HSPBAP1: variants seen among roughly 807,000 people sequenced by gnomAD.
HSPBAP1 encodes HSPB1 associated protein 1.
HSPBAP1 carries 27 observed loss-of-function variants against 45.2 expected under a neutral mutation model. The observed-to-expected ratio is 0.60, with a 90% CI of 0.44 to 0.82. The LOEUF (loss-of-function observed/expected upper bound fraction) is 0.82. HSPBAP1 is among the 40% of genes least tolerant of loss of function. HSPBAP1 has a pLI of 0.00. For missense variants in HSPBAP1, 510 were observed against 590.9 expected (o/e 0.86, Z 1.42); for synonymous variants, 204 against 202.7 (o/e 1.01, Z -0.06).
chr3:122,783,833 CTTTT>C (rs79338116), intron 1 of HSPBAP1, among the ~76,000 whole-genome samples: 35 of 145,058 alleles, frequency 2.4e-4, no homozygotes, highest in Non-Finnish European at 3.0e-4. Flanking sequence ...GGGCAACTTT[CTTTT>C]TTTTTTTTTT....
rs890145507 is a variant in HSPBAP1 at position 122,793,782 on chromosome 3, A to G, written c.-102T>C. The G allele has an allele frequency of 3.5e-6, 4 of 1,131,794 alleles. No individual in the cohort carries two copies. The African/African-American group carries it at 6.2e-5, about 17-fold the overall frequency. 70.1% of individuals were successfully genotyped at this position (1,131,794 alleles called of 1,614,324 possible). A position where few individuals can be genotyped will look rare whatever the true frequency, so the allele number is the denominator to read the frequency against. On this transcript the variant is annotated 5_prime_UTR_variant, in exon 1 of 8. Transcript: ENST00000306103. ...CGAGACCCGAAGCTGCACCACAGGA[A>G]GGAGCCCCGGCGACTCCCGCCCGGC...
chr3:122,741,061 C>T lies in HSPBAP1; in HGVS notation c.878G>A (p.Cys293Tyr). Residue 293 changes from cysteine (C) to tyrosine (Y), a missense_variant, in exon 7 of 8, where the codon TGT (cysteine) becomes TAT (tyrosine). Transcript: ENST00000306103. ...TGGATTCTCTGCAGTTTTCAGGGCACACACAAGCATACGGGTGATTGCCTC... is the reference window on the plus strand; with the variant it reads ...TGGATTCTCTGCAGTTTTCAGGGCATACACAAGCATACGGGTGATTGCCTC... ...VEEAITRMLV[C>Y]ALKTAENPQN... is the part of the protein sequence containing the mutation. 1 of 1,614,166 alleles carries T rather than the reference C, an allele frequency of 6.2e-7. No homozygotes were observed. Among genetic ancestry groups the T allele is most frequent in the Non-Finnish European group, 8.5e-7 (1 of 1,180,010 alleles).
intron 3 of HSPBAP1, among the ~76,000 whole-genome samples, chr3:122,766,681 A>C (rs906401709): frequency 6.6e-6 from 1 of 152,238 alleles, no homozygotes; most frequent in Non-Finnish European, 1.5e-5. Context: ...GAGTCCCAAC[A>C]GGACCGAATG....
chr3:122,747,983 G>A (rs1429844486), intron 6 of HSPBAP1, among the ~76,000 whole-genome samples: 6 of 152,200 alleles, frequency 3.9e-5, no homozygotes, highest in East Asian at 1.9e-4. Flanking sequence ...GATGGTTGCC[G>A]TGTCTGTGTA....
intron 4 of HSPBAP1, among the ~76,000 whole-genome samples, 195 bp from the exon 5 acceptor site, chr3:122,755,626 G>A (rs1338549122): frequency 1.3e-5 from 2 of 151,504 alleles, no homozygotes; most frequent in African/African-American, 2.4e-5. Context: ...GTGGAAGGTT[G>A]TGTAGCAACT....
chr3:122,766,691 G>A (rs1934792495), intron 3 of HSPBAP1, among the ~76,000 whole-genome samples: 1 of 152,220 alleles, frequency 6.6e-6, no homozygotes, highest in South Asian at 2.1e-4. Flanking sequence ...AGGACCGAAT[G>A]TATGCACACG....
intron 2 of HSPBAP1, among the ~76,000 whole-genome samples, chr3:122,771,938 T>C (rs78049188): frequency 0.032 from 4,922 of 151,680 alleles, 111 homozygotes; most frequent in Middle Eastern, 0.078. Flanking sequence ...CCTGTCTAAC[T>C]AGAAAACCCA....
At chr3:122,786,131 A>C (rs995636220) in intron 1 of HSPBAP1, among the ~76,000 whole-genome samples, 3 of 151,840 alleles carry the variant, frequency 2.0e-5, no homozygotes, top group East Asian at 3.8e-4. Context: ...AAAAAAAAAA[A>C]CAAAATTCCT....
chr3:122,745,829 TA>T (rs1933827340), intron 6 of HSPBAP1, among the ~76,000 whole-genome samples: 5 of 152,238 alleles, frequency 3.3e-5, no homozygotes, highest in African/African-American at 4.8e-5. Context: ...TACTAAGGTC[TA>T]TGGTAAGAAG....
At chr3:122,785,322 TA>T (rs1355983632) in intron 1 of HSPBAP1, among the ~76,000 whole-genome samples, 8 of 152,214 alleles carry the variant, frequency 5.3e-5, no homozygotes, top group Non-Finnish European at 1.2e-4. Context: ...ATTCTTCTGC[TA>T]GGTCCATCTA....
intron 2 of HSPBAP1, among the ~76,000 whole-genome samples, chr3:122,774,602 C>A (rs1173250415): frequency 6.6e-6 from 1 of 152,120 alleles, no homozygotes; most frequent in Admixed American, 6.6e-5. Context: ...GATTTGTTTT[C>A]CTAAAAGTCA....
At chr3:122,772,316 G>T (rs1046613713) in intron 2 of HSPBAP1, among the ~76,000 whole-genome samples, 2 of 152,072 alleles carry the variant, frequency 1.3e-5, no homozygotes, top group African/African-American at 4.8e-5. Context: ...AGTTCATTTA[G>T]ATGTATAAAA....
chr3:122,779,330 C>T (rs1364793058), intron 1 of HSPBAP1, among the ~76,000 whole-genome samples: 32 of 151,382 alleles, frequency 2.1e-4, no homozygotes, highest in African/African-American at 6.5e-4. Context: ...CATAAGCCAC[C>T]GCACCCGGCC....
At chr3:122,777,492 T>C (rs1265156089) in intron 2 of HSPBAP1, among the ~76,000 whole-genome samples, 1 of 152,216 alleles carries the variant, frequency 6.6e-6, no homozygotes, top group Non-Finnish European at 1.5e-5. Context: ...ACATTTTGTA[T>C]GGGGTTATAA....
Position 122,793,654 on chromosome 3 carries a change from A to G in HSPBAP1, c.27T>C (p.Thr9=), listed in dbSNP as rs1396866779. 1.9e-6 allele frequency: 3 copies of G among 1,613,842 alleles called. No homozygotes were observed. Among genetic ancestry groups the G allele is most frequent in the South Asian group, 2.2e-5 (2 of 91,076 alleles). MAAGSEAT[T]PVIVAAGAGG... is the part of the protein sequence containing the mutation. ...CAGCCCCAGCCGCAACGATCACAGG[A>G]GTGGTCGCCTCGGAGCCTGCTGCCA... The change falls in exon 1 of 8, where the codon ACT becomes ACC. Residue 9 remains threonine (T), a synonymous_variant. Coordinates refer to ENST00000306103, the MANE Select transcript of HSPBAP1 (RefSeq NM_024610.6).
intron 4 of HSPBAP1, among the ~76,000 whole-genome samples, chr3:122,757,184 G>A (rs1934387384): frequency 6.6e-6 from 1 of 152,198 alleles, no homozygotes; most frequent in African/African-American, 2.4e-5. Flanking sequence ...CAATCATCAT[G>A]TGATCTCCTG....
At position 122,790,502 on chromosome 3, in the gene HSPBAP1, G is replaced by C. The variant is rs146750824; in HGVS notation, c.64+3115C>G. On this transcript the variant is annotated intron_variant, in intron 1 of 7. Transcript: ENST00000306103. Reference sequence around the variant, plus strand: ...GTATCATATTGAGTATCATATCCCAGCTAATTACATCTGACCTTTAGGATA... The same window carrying C: ...GTATCATATTGAGTATCATATCCCACCTAATTACATCTGACCTTTAGGATA... Among the ~76,000 whole-genome samples the C allele has an allele frequency of 1.2e-4, 19 of 152,176 alleles. No individual in the cohort carries two copies. The East Asian group carries it at 2.7e-3, about 22-fold the overall frequency.
At chr3:122,746,369 G>A (rs1447399222) in intron 6 of HSPBAP1, among the ~76,000 whole-genome samples, 1 of 140,852 alleles carries the variant, frequency 7.1e-6, no homozygotes, top group African/African-American at 2.7e-5. Flanking sequence ...GGCAAGAATA[G>A]CCAGAAAAAC....
intron 1 of HSPBAP1, among the ~76,000 whole-genome samples, chr3:122,778,545 G>A (rs188203539): frequency 0.012 from 1,679 of 145,570 alleles, 105 homozygotes; most frequent in Admixed American, 0.1. Flanking sequence ...TTTTTGAGAC[G>A]GAGTCTCGCT....
Sources: gnomAD v4.1 joint callset for allele counts (sites outside exome capture counted in the v4.1 genomes callset) on GRCh38, gnomAD v4.1.1 for gene constraint, MANE v1.5 for transcripts, NCBI Gene and HGNC (gene_info 2026-07-23, HGNC 2026-07-21) for gene names.